KCTD3: variants seen among roughly 807,000 people sequenced by gnomAD.
The protein encoded by KCTD3 is BTB/POZ domain-containing protein KCTD3.
KCTD3 carries 41 observed loss-of-function variants against 85.8 expected under a neutral mutation model. That is an observed-to-expected ratio of 0.48 (90% CI 0.37 to 0.62). KCTD3 has a LOEUF of 0.62. Among genes scored for constraint, KCTD3 ranks in the 20% least tolerant of loss-of-function variants. The pLI is 0.00. For synonymous variants in KCTD3, 338 were observed against 345.4 expected, an observed-to-expected ratio of 0.98 and a Z score of 0.24; for missense variants, 724 against 989.9, an observed-to-expected ratio of 0.73 and a Z score of 3.60.
intron 15 of KCTD3, among the ~76,000 whole-genome samples, chr1:215,614,027 T>TG (rs1558245457): frequency 2.3e-5 from 3 of 131,374 alleles, no homozygotes; most frequent in African/African-American, 9.1e-5. Context: ...AGTTTTTTTT[T>TG]TTTTTTTTTT....
intron 17 of KCTD3, 123 bp downstream of exon 17, chr1:215,619,414 C>T: frequency 1.2e-6 from 1 of 822,528 alleles, no homozygotes; most frequent in East Asian, 2.7e-5. Context: ...TAAATTCAGA[C>T]ATTATGTTAA....
chr1:215,573,966 AAGAT>A (rs1659470339), intron 2 of KCTD3, 103 bp from the exon 3 acceptor site: 2 of 978,930 alleles, frequency 2.0e-6, no homozygotes, highest in East Asian at 5.1e-5. Flanking sequence ...TTGAACTTGG[AAGAT>A]AGATAACTTA....
At chr1:215,577,916 C>T (rs2102558346) in intron 5 of KCTD3, 85 bp from the exon 6 acceptor site, 2 of 1,549,616 alleles carry the variant, frequency 1.3e-6, no homozygotes, top group African/African-American at 1.4e-5. Flanking sequence ...CTTTCCTTAT[C>T]CTCTTGAACT....
intron 10 of KCTD3, among the ~76,000 whole-genome samples, chr1:215,597,800 T>A (rs1654661102): frequency 6.6e-6 from 1 of 151,998 alleles, no homozygotes; most frequent in African/African-American, 2.4e-5. Flanking sequence ...TTTCTGTGTG[T>A]GTGATAGGTT....
In KCTD3 at chr1:215,567,537, A is replaced by C; in HGVS notation, c.-149A>C. On this transcript the variant is annotated 5_prime_UTR_variant, in exon 1 of 18. Transcript: ENST00000259154. The stretch of plus-strand genomic sequence containing the variant: ...AGCGAGCCCCGCCCGGCCGCCGGGA[A>C]GGTGGGGGAAGCCCCGTGCACCCCC... The C allele has an allele frequency of 4.2e-5, 13 of 307,578 alleles. No individual in the cohort carries two copies. Among genetic ancestry groups the C allele is most frequent in the South Asian group, 1.5e-4 (1 of 6,496 alleles). 19.1% of individuals were successfully genotyped at this position (307,578 alleles called of 1,614,324 possible).
chr1:215,589,972 C>G (rs1276130028), intron 9 of KCTD3, among the ~76,000 whole-genome samples: 1 of 152,170 alleles, frequency 6.6e-6, no homozygotes. Flanking sequence ...ATTTCTTAGT[C>G]ATATGGAAAG....
At chr1:215,571,662 G>A (rs1466970139) in intron 1 of KCTD3, among the ~76,000 whole-genome samples, 4 of 146,798 alleles carry the variant, frequency 2.7e-5, no homozygotes, top group East Asian at 2.0e-4. Flanking sequence ...ACGGAGTCTC[G>A]CTTTGTCGCC....
At position 215,620,462 on chromosome 1, in the gene KCTD3, C is replaced by T. The variant is rs149998746; in HGVS notation, c.2292C>T (p.Phe764=). The change falls in exon 18 of 18, where the codon TTC becomes TTT. Residue 764 remains phenylalanine, a synonymous_variant. Coordinates refer to ENST00000259154, the MANE Select transcript of KCTD3 (RefSeq NM_016121.5). ...RKKGGFEGGG[F]LGRKKVPYLA... is the part of the protein sequence containing the mutation. The stretch of plus-strand genomic sequence containing the variant: ...AAGGAGGATTTGAAGGGGGAGGATT[C>T]CTTGGAAGAAAGAAAGTTCCCTATC... 45 of 1,613,560 alleles carry T rather than the reference C, an allele frequency of 2.8e-5. No homozygotes were observed. In the African/African-American group the frequency reaches 5.6e-4, roughly 20 times the overall value.
intron 8 of KCTD3, among the ~76,000 whole-genome samples, chr1:215,582,305 A>C (rs1056239778): frequency 1.3e-5 from 2 of 152,174 alleles, no homozygotes; most frequent in African/African-American, 4.8e-5. Context: ...TCCTTAAGAC[A>C]TATGTCTATT....
intron 1 of KCTD3, among the ~76,000 whole-genome samples, chr1:215,570,644 T>C (rs368978996): frequency 3.3e-5 from 5 of 152,228 alleles, no homozygotes; most frequent in African/African-American, 1.2e-4. Context: ...CAGATTGTTA[T>C]AGGAATTTGA....
intron 1 of KCTD3, among the ~76,000 whole-genome samples, chr1:215,569,669 C>T (rs528953302): frequency 6.7e-6 from 1 of 149,788 alleles, no homozygotes; most frequent in Admixed American, 6.7e-5. Flanking sequence ...GATCTCGGCT[C>T]ACTGCAAGCT....
intron 10 of KCTD3, among the ~76,000 whole-genome samples, chr1:215,597,053 C>T (rs1654595652): frequency 6.6e-6 from 1 of 152,038 alleles, no homozygotes; most frequent in Admixed American, 6.6e-5. Flanking sequence ...TGCAGTAGAC[C>T]TGGGATCCCA....
At chr1:215,610,924 T>C (rs1655207783) in intron 14 of KCTD3, among the ~76,000 whole-genome samples, 2 of 152,122 alleles carry the variant, frequency 1.3e-5, no homozygotes, top group Non-Finnish European at 2.9e-5. Flanking sequence ...CATTGGTTCA[T>C]TTAATAAGTA....
At chr1:215,575,480 A>C (rs1471141053) in intron 3 of KCTD3, among the ~76,000 whole-genome samples, 1 of 152,206 alleles carries the variant, frequency 6.6e-6, no homozygotes, top group Non-Finnish European at 1.5e-5. Flanking sequence ...CCCTGTGTGC[A>C]TTATTAAAGT....
intron 1 of KCTD3, among the ~76,000 whole-genome samples, chr1:215,571,939 C>T (rs1357445957): frequency 6.6e-6 from 1 of 152,176 alleles, no homozygotes; most frequent in Non-Finnish European, 1.5e-5. Context: ...CCGAGATAAA[C>T]TTTTAATTGT....
Position 215,577,686 on chromosome 1 carries a change from G to A in KCTD3, c.274G>A (p.Val92Ile), listed in dbSNP as rs774855223. 7 of 1,594,456 alleles carry A rather than the reference G, an allele frequency of 4.4e-6. No individual in the cohort carries two copies. In the Admixed American group the frequency reaches 5.0e-5, roughly 11 times the overall value. Reference sequence around the variant, plus strand: ...TCTTTGTAGGGGAGTGAGTATTAATGTTCTCAGGCATGAAGCAGAATTTTA... The same window carrying A: ...TCTTTGTAGGGGAGTGAGTATTAATATTCTCAGGCATGAAGCAGAATTTTA... ...ELDLRGVSIN[V>I]LRHEAEFYGI... Residue 92 changes from valine (V) to isoleucine (I), a missense_variant, in exon 5 of 18, where the codon GTT becomes ATT. Transcript: ENST00000259154.
chr1:215,606,329 C>T (rs80141033), intron 13 of KCTD3, among the ~76,000 whole-genome samples: 94 of 152,214 alleles, frequency 6.2e-4, no homozygotes, highest in African/African-American at 1.9e-3. Context: ...CTTTCTCTAA[C>T]GGTACCTTGC....
chr1:215,594,434 C>T (rs1660334366), intron 9 of KCTD3, among the ~76,000 whole-genome samples: 1 of 152,166 alleles, frequency 6.6e-6, no homozygotes, highest in African/African-American at 2.4e-5. Context: ...CAACCTCTCT[C>T]ACCTACACTT....
At chr1:215,570,564 A>C (rs1659320963) in intron 1 of KCTD3, among the ~76,000 whole-genome samples, 1 of 152,214 alleles carries the variant, frequency 6.6e-6, no homozygotes, top group South Asian at 2.1e-4. Context: ...CTAGCCTAGC[A>C]ACCTTGGACA....
Sources: allele counts gnomAD v4.1 joint callset (sites outside exome capture counted in the v4.1 genomes callset), GRCh38; gene constraint gnomAD v4.1.1; transcripts MANE v1.5; gene names NCBI Gene and HGNC (gene_info 2026-07-23, HGNC 2026-07-21).